The following CYTH1 variants were observed in gnomAD, a reference collection of about 807,000 sequenced individuals.
The protein encoded by CYTH1 is cytohesin-1.
CYTH1 carries 18 observed loss-of-function variants against 61.8 expected under a neutral mutation model. The ratio of observed to expected loss-of-function variants is 0.29; its 90% CI spans 0.20 to 0.43. CYTH1 has a LOEUF of 0.43. Ranked by LOEUF, CYTH1 falls within the 20% of genes least tolerant of loss-of-function variation. The pLI, the probability that CYTH1 is intolerant of heterozygous loss-of-function variation, is 1.00. For synonymous variants in CYTH1, 174 were observed against 184.3 expected (o/e 0.94, Z 0.45); for missense variants, 336 against 510.5 (o/e 0.66, Z 3.29).
In CYTH1 at chr17:78,735,248, T is replaced by A. The variant is rs371371394; in HGVS notation, c.23-25516A>T. On this transcript the variant is annotated intron_variant, in intron 1 of 13. Coordinates refer to ENST00000446868, the MANE Select transcript of CYTH1 (RefSeq NM_004762.6). ...TGATTAGGGTAGTTCATGTTGACTT[T>A]TGAAGCCTCCAGGATAAAAAGTGAC... Among the ~76,000 whole-genome samples the A allele has an allele frequency of 3.3e-5, 5 of 152,176 alleles. No homozygotes were observed. In the South Asian group the frequency reaches 1.0e-3, roughly 32 times the overall value.
At chr17:78,761,708 AGCCTGGGG>A (rs992957293) in intron 1 of CYTH1, among the ~76,000 whole-genome samples, 81 of 152,348 alleles carry the variant, frequency 5.3e-4, no homozygotes, top group African/African-American at 1.8e-3. Context: ...ACTGCACTCC[AGCCTGGGG>A]GACAGAGCGA....
chr17:78,739,645 G>C (rs1041140915), intron 1 of CYTH1, among the ~76,000 whole-genome samples: 2 of 152,188 alleles, frequency 1.3e-5, no homozygotes, highest in Non-Finnish European at 2.9e-5. Flanking sequence ...CCAGGGTTCT[G>C]AGCAACAGAG....
At position 78,680,694 on chromosome 17, in the gene CYTH1, C is replaced by T. The variant is rs553227096; in HGVS notation, c.963+277G>A. 7.2e-5 allele frequency among the ~76,000 whole-genome samples: 11 copies of T among 152,330 alleles called. No homozygotes were observed. The South Asian group carries it at 2.3e-3, about 32-fold the overall frequency. On this transcript the variant is annotated intron_variant, in intron 12 of 13. Coordinates refer to ENST00000446868, the MANE Select transcript of CYTH1 (RefSeq NM_004762.6). Reference sequence around the variant, plus strand: ...ACGGGAGGTGTCCCAAGGGTATAAACTACATAGCCCACTCCTGCGTGCTTG... The same window carrying T: ...ACGGGAGGTGTCCCAAGGGTATAAATTACATAGCCCACTCCTGCGTGCTTG...
At chr17:78,728,710 G>A (rs1458410205) in intron 1 of CYTH1, among the ~76,000 whole-genome samples, 2 of 152,152 alleles carry the variant, frequency 1.3e-5, no homozygotes, top group African/African-American at 2.4e-5. Flanking sequence ...ATTAAAGCAC[G>A]TGAGGCTTTG....
chr17:78,726,675 C>G (rs2093268515), intron 1 of CYTH1, among the ~76,000 whole-genome samples: 1 of 151,958 alleles, frequency 6.6e-6, no homozygotes, highest in Admixed American at 6.6e-5. Context: ...TCTGGAAGAG[C>G]AAGCTCCAGG....
intron 1 of CYTH1, among the ~76,000 whole-genome samples, chr17:78,710,839 G>T (rs2093121306): frequency 6.6e-6 from 1 of 152,164 alleles, no homozygotes; most frequent in South Asian, 2.1e-4. Context: ...GTGGTTTGAG[G>T]GTCCTTCTAT....
At chr17:78,713,040 C>A (rs1381193853) in intron 1 of CYTH1, among the ~76,000 whole-genome samples, 4 of 151,822 alleles carry the variant, frequency 2.6e-5, no homozygotes, top group Non-Finnish European at 4.4e-5. Context: ...AAACCCACCA[C>A]CCCAAATGTT....
chr17:78,683,524 A>G (rs1331037046), intron 11 of CYTH1, among the ~76,000 whole-genome samples: 1 of 152,190 alleles, frequency 6.6e-6, no homozygotes, highest in Non-Finnish European at 1.5e-5. Flanking sequence ...CTCTGTCTGC[A>G]AGCTACAGAC....
At chr17:78,772,447 C>CA (rs1418189271) in intron 1 of CYTH1, among the ~76,000 whole-genome samples, 1 of 152,220 alleles carries the variant, frequency 6.6e-6, no homozygotes, top group East Asian at 1.9e-4. Flanking sequence ...ATCTGTTTGA[C>CA]ATAATCTCTT....
chr17:78,760,090 C>A, intron 1 of CYTH1, among the ~76,000 whole-genome samples: 1 of 151,792 alleles, frequency 6.6e-6, no homozygotes, highest in East Asian at 1.9e-4. Context: ...AGGGATTCTG[C>A]GGGTTAGTCA....
Position 78,703,944 on chromosome 17 carries a change from C to G in CYTH1, c.171-1340G>C, listed in dbSNP as rs113579660. ...CGTTTTCATTTTCCTTGGGTAGATACCCAGGGGTGGACACTGCTGGGTCAT... is the reference window on the plus strand; with the variant it reads ...CGTTTTCATTTTCCTTGGGTAGATAGCCAGGGGTGGACACTGCTGGGTCAT... On this transcript the variant is annotated intron_variant, in intron 3 of 13. Transcript: ENST00000446868. Among the ~76,000 whole-genome samples, 388 of 152,272 alleles carry G rather than the reference C, an allele frequency of 2.5e-3. 3 individuals carry two copies. Among genetic ancestry groups the G allele is most frequent in the African/African-American group, 8.8e-3 (366 of 41,560 alleles).
chr17:78,707,353 C>A (rs564319198), intron 3 of CYTH1, among the ~76,000 whole-genome samples: 13 of 152,138 alleles, frequency 8.5e-5, no homozygotes, highest in Non-Finnish European at 1.3e-4. Context: ...CCATTCAAAA[C>A]TAAACTCTCA....
chr17:78,712,034 G>A (rs1340899229), intron 1 of CYTH1, among the ~76,000 whole-genome samples: 8 of 151,160 alleles, frequency 5.3e-5, no homozygotes, highest in African/African-American at 1.9e-4. Context: ...AGCCAAGATC[G>A]CACCACTGCA....
rs183449384 is a variant in CYTH1 at position 78,748,939 on chromosome 17, T to C, written c.22+33263A>G. Among the ~76,000 whole-genome samples, 37 of 152,238 alleles carry C rather than the reference T, an allele frequency of 2.4e-4. No homozygotes were observed. The East Asian group carries it at 4.0e-3, about 17-fold the overall frequency. Reference sequence around the variant, plus strand: ...TTTACTCAGCTGACACAGAGCAAACTGAACCAGCGCGGTCCTGCCACAGCC... The same window carrying C: ...TTTACTCAGCTGACACAGAGCAAACCGAACCAGCGCGGTCCTGCCACAGCC... On this transcript the variant is annotated intron_variant, in intron 1 of 13. Transcript: ENST00000446868.
At chr17:78,776,056 G>A (rs1487412116) in intron 1 of CYTH1, among the ~76,000 whole-genome samples, 2 of 152,162 alleles carry the variant, frequency 1.3e-5, no homozygotes, top group Non-Finnish European at 2.9e-5. Flanking sequence ...TTGGGAAGCT[G>A]AGACAGGAGA....
At chr17:78,703,028 T>G (rs1465543102) in intron 3 of CYTH1, among the ~76,000 whole-genome samples, 2 of 152,044 alleles carry the variant, frequency 1.3e-5, no homozygotes, top group African/African-American at 4.8e-5. Context: ...TCAAATGATC[T>G]GCCTGCGTCA....
At chr17:78,730,805 C>T (rs1300355088) in intron 1 of CYTH1, among the ~76,000 whole-genome samples, 2 of 151,796 alleles carry the variant, frequency 1.3e-5, no homozygotes, top group African/African-American at 2.4e-5. Flanking sequence ...GCTGGGACTA[C>T]AGGCGCCCGC....
At chr17:78,745,881 ACT>A (rs1196629460) in intron 1 of CYTH1, among the ~76,000 whole-genome samples, 1 of 151,886 alleles carries the variant, frequency 6.6e-6, no homozygotes, top group South Asian at 2.1e-4. Context: ...ACAGAGCGAG[ACT>A]CTGTCTCAAA....
intron 13 of CYTH1, among the ~76,000 whole-genome samples, chr17:78,679,405 AG>A (rs1257805230): frequency 1.3e-5 from 2 of 152,102 alleles, no homozygotes; most frequent in Non-Finnish European, 2.9e-5. Flanking sequence ...ACCCTCGCAC[AG>A]GGACTGGAGG....
Sources: allele counts gnomAD v4.1 joint callset (sites outside exome capture counted in the v4.1 genomes callset), GRCh38; gene constraint gnomAD v4.1.1; transcripts MANE v1.5; gene names NCBI Gene and HGNC (gene_info 2026-07-23, HGNC 2026-07-21).